The following SNAP91 variants were observed in gnomAD, a reference collection of about 807,000 sequenced individuals.
SNAP91 encodes the protein synaptosome associated protein 91.
In SNAP91, 27 loss-of-function variants were observed where a neutral mutation model predicts 100.3. The observed-to-expected ratio is 0.27, with a 90% CI of 0.20 to 0.37. The LOEUF is 0.37. SNAP91 is among the 10% of genes least tolerant of loss of function. The probability of loss-of-function intolerance (pLI) is 1.00; values close to 1 mark genes in which losing one functional copy is unlikely to be tolerated. For missense variants in SNAP91, 986 were observed against 1,123.7 expected (o/e 0.88, Z 1.75); for synonymous variants, 404 against 398.6 (o/e 1.01, Z -0.16).
At chr6:83,592,207 A>C (rs1416757673) in intron 21 of SNAP91, among the ~76,000 whole-genome samples, 1 of 152,140 alleles carries the variant, frequency 6.6e-6, no homozygotes, top group African/African-American at 2.4e-5. Context: ...GAAGAACAAA[A>C]AGTTGAAAAC....
At chr6:83,607,973 T>C (rs1228146772) in intron 12 of SNAP91, among the ~76,000 whole-genome samples, 165 bp from the exon 13 acceptor site, 3 of 152,162 alleles carry the variant, frequency 2.0e-5, no homozygotes, top group Admixed American at 6.5e-5. Flanking sequence ...AGGATTGTAA[T>C]AAATAATCAA....
At chr6:83,582,783 T>C (rs1239361649) in intron 22 of SNAP91, among the ~76,000 whole-genome samples, 1 of 152,154 alleles carries the variant, frequency 6.6e-6, no homozygotes, top group East Asian at 1.9e-4. Context: ...ATCATAAAAA[T>C]ACATATCAAA....
intron 8 of SNAP91, among the ~76,000 whole-genome samples, chr6:83,635,664 T>C (rs2097409568): frequency 1.8e-5 from 1 of 55,290 alleles, no homozygotes; most frequent in Non-Finnish European, 3.3e-5. Context: ...CAGGTGTTTG[T>C]ACCATTTACA....
chr6:83,610,565 A>T (rs975180312), intron 12 of SNAP91, 85 bp downstream of exon 12: 36 of 471,248 alleles, frequency 7.6e-5, no homozygotes, highest in Middle Eastern at 5.9e-4. Context: ...GTTAAGGTAT[A>T]TAATGCCACT....
intron 22 of SNAP91, among the ~76,000 whole-genome samples, chr6:83,587,685 AAC>A (rs149613088): frequency 0.043 from 6,547 of 152,254 alleles, 464 homozygotes; most frequent in African/African-American, 0.15. Flanking sequence ...AAAACTCAGA[AAC>A]AGCCAATTGT....
chr6:83,667,693 T>C (rs2098711783), intron 2 of SNAP91, among the ~76,000 whole-genome samples: 1 of 152,090 alleles, frequency 6.6e-6, no homozygotes, highest in Admixed American at 6.6e-5. Flanking sequence ...ACGTGCAGGT[T>C]TGTTACATAC....
chr6:83,591,647 A>G (rs191680517), intron 21 of SNAP91, among the ~76,000 whole-genome samples: 1 of 152,356 alleles, frequency 6.6e-6, no homozygotes, highest in African/African-American at 2.4e-5. Flanking sequence ...TTAGAATTCT[A>G]TTAAATGTTT....
intron 16 of SNAP91, 33 bp from the exon 17 acceptor site, chr6:83,594,514 A>G (rs2094229412): frequency 1.6e-6 from 2 of 1,222,072 alleles, no homozygotes; most frequent in Non-Finnish European, 2.2e-6. Flanking sequence ...GCAGAAATTA[A>G]AAGAATAAAA....
Position 83,662,359 on chromosome 6 carries a change from T to A in SNAP91, c.337A>T (p.Ser113Cys). The A allele has an allele frequency of 7.0e-7, 1 of 1,436,038 alleles. No homozygotes were observed. Among genetic ancestry groups the A allele is most frequent in the South Asian group, 1.6e-5 (1 of 63,000 alleles). The allele number at this position is 1,436,038 out of a possible 1,614,324, so 89.0% of individuals were successfully genotyped here. A position where few individuals can be genotyped will look rare whatever the true frequency, so the allele number is the denominator to read the frequency against. The change falls in exon 4 of 30, where the codon AGT becomes TGT. Residue 113 changes from serine to cysteine, a missense_variant. Coordinates refer to ENST00000369694, the MANE Select transcript of SNAP91 (RefSeq NM_001242792.2). Reference sequence around the variant, plus strand: ...CAAATATTCTCACCATGGGATCCACTTTTGTCCAAAAAATTGCTGAGATTG... The same window carrying A: ...CAAATATTCTCACCATGGGATCCACATTTGTCCAAAAAATTGCTGAGATTG... ...LFNLSNFLDK[S>C]GSHGYDMSTF...
chr6:83,631,739 TGAGTCTCTCGAAG>T (rs2097212119), intron 8 of SNAP91, among the ~76,000 whole-genome samples: 3 of 152,114 alleles, frequency 2.0e-5, no homozygotes, highest in Non-Finnish European at 4.4e-5. Flanking sequence ...ATGTGTTAGG[TGAGTCTCTCGAAG>T]GCAGCAGGTA....
intron 26 of SNAP91, among the ~76,000 whole-genome samples, chr6:83,568,391 T>C (rs56963342): frequency 0.084 from 12,715 of 151,998 alleles, 1,788 homozygotes; most frequent in African/African-American, 0.29. Context: ...ATATACCTAA[T>C]GTAAATGATG....
intron 26 of SNAP91, among the ~76,000 whole-genome samples, chr6:83,561,252 G>A (rs1464032807): frequency 4.6e-5 from 7 of 152,038 alleles, no homozygotes; most frequent in Non-Finnish European, 5.9e-5. Context: ...GCTATGCTGT[G>A]TAGGCTGGTC....
chr6:83,592,442 G>T lies in SNAP91; in HGVS notation c.1930+13C>A. 1 of 1,588,214 alleles carries T rather than the reference G, an allele frequency of 6.3e-7. No individual in the cohort carries two copies. Among genetic ancestry groups the T allele is most frequent in the Non-Finnish European group, 8.6e-7 (1 of 1,162,408 alleles). On this transcript the variant is annotated intron_variant, in intron 21 of 29. Transcript: ENST00000369694. ...AAAGATTCCTTAAGTGTTGATGGAG[G>T]AGAAATACGCACCCCCAAAAAGGTC...
chr6:83,554,763 G>A (rs1198915336), intron 29 of SNAP91, among the ~76,000 whole-genome samples: 3 of 152,088 alleles, frequency 2.0e-5, no homozygotes, highest in East Asian at 1.9e-4. Context: ...GATCCCTGGC[G>A]ACCCGATGCC....
chr6:83,573,383 A>C (rs1272673430), intron 26 of SNAP91, among the ~76,000 whole-genome samples: 5 of 152,198 alleles, frequency 3.3e-5, no homozygotes, highest in Admixed American at 3.3e-4. Context: ...TGCCCAAGGT[A>C]ATTTATAGAT....
intron 11 of SNAP91, among the ~76,000 whole-genome samples, chr6:83,611,702 CT>C (rs879325346): frequency 0.03 from 4,313 of 144,006 alleles, 66 homozygotes; most frequent in East Asian, 0.054. Flanking sequence ...TAATATCTTT[CT>C]TTTTTTTTTT....
At chr6:83,560,506 T>C (rs1785481860) in intron 27 of SNAP91, among the ~76,000 whole-genome samples, 1 of 152,212 alleles carries the variant, frequency 6.6e-6, no homozygotes, top group African/African-American at 2.4e-5. Context: ...AAAATTTGTT[T>C]CTTTATGAAA....
At chr6:83,592,122 A>AT (rs2093842892) in intron 21 of SNAP91, among the ~76,000 whole-genome samples, 1 of 152,186 alleles carries the variant, frequency 6.6e-6, no homozygotes, top group Non-Finnish European at 1.5e-5. Context: ...AGAGATGTTG[A>AT]TTTAGCCAAC....
intron 8 of SNAP91, among the ~76,000 whole-genome samples, chr6:83,628,226 T>C (rs200841887): frequency 1.7e-4 from 20 of 116,070 alleles, no homozygotes; most frequent in Admixed American, 5.7e-4. Flanking sequence ...ATTTTACATA[T>C]ATATATATAT....
Sources: gnomAD v4.1 joint callset for allele counts (sites outside exome capture counted in the v4.1 genomes callset) on GRCh38, gnomAD v4.1.1 for gene constraint, MANE v1.5 for transcripts, NCBI Gene and HGNC (gene_info 2026-07-23, HGNC 2026-07-21) for gene names.